Variants in RBM47 observed in about 807,000 individuals in gnomAD.
RBM47 encodes RNA-binding protein 47.
Under a neutral mutation model 47.1 loss-of-function variants are expected in RBM47, and 21 were observed. That is an observed-to-expected ratio of 0.45 (90% CI 0.32 to 0.64). The LOEUF is 0.64. RBM47 is among the 30% of genes least tolerant of loss of function. The pLI, the probability that RBM47 is intolerant of heterozygous loss-of-function variation, is 0.05. For missense variants in RBM47, 708 were observed against 870.9 expected (o/e 0.81, Z 2.35); for synonymous variants, 375 against 361.7 (o/e 1.04, Z -0.42).
At chr4:40,610,828 G>A (rs2154279286) in intron 1 of RBM47, among the ~76,000 whole-genome samples, 1 of 152,128 alleles carries the variant, frequency 6.6e-6, no homozygotes, top group African/African-American at 2.4e-5. Flanking sequence ...GATCTGAGGG[G>A]TTTATGAGGG....
chr4:40,440,170 A>T (rs1200036408), intron 3 of RBM47, among the ~76,000 whole-genome samples: 1 of 152,358 alleles, frequency 6.6e-6, no homozygotes, highest in East Asian at 1.9e-4. Flanking sequence ...TTTTTGGACT[A>T]TAAAAGTATT....
Position 40,438,847 on chromosome 4 carries a change from G to T in RBM47, c.47C>A (p.Ala16Asp). 1 of 1,558,970 alleles carries T rather than the reference G, an allele frequency of 6.4e-7. No individual in the cohort carries two copies. The highest frequency in any genetic ancestry group is 8.6e-7 in the Non-Finnish European group (1 of 1,158,196). The change falls in exon 4 of 7, where the codon GCC (alanine) becomes GAC (aspartate). Residue 16 changes from alanine (A) to aspartate (D), a missense_variant. Coordinates refer to ENST00000295971, the MANE Select transcript of RBM47 (RefSeq NM_001098634.2). ...CTCGGGCACCTTGGCGGAGGACCCG[G>T]CGGCCGAGTCACTGCTCATGGCTGC... ...STAAMSSDSAAGSSAKVPEGV... is the reference protein window; with the variant it reads ...STAAMSSDSADGSSAKVPEGV...
chr4:40,498,754 C>CATTTAT (rs1722979537), intron 2 of RBM47, among the ~76,000 whole-genome samples: 1 of 151,110 alleles, frequency 6.6e-6, no homozygotes, highest in African/African-American at 2.4e-5. Context: ...AGGTATAAGG[C>CATTTAT]ATTTATACAT....
intron 3 of RBM47, among the ~76,000 whole-genome samples, chr4:40,461,126 A>G (rs1717081123): frequency 6.6e-6 from 1 of 152,224 alleles, no homozygotes; most frequent in Non-Finnish European, 1.5e-5. Context: ...AGTATTTAAA[A>G]TGAAAAATTC....
At position 40,628,242 on chromosome 4, in the gene RBM47, CTCCTT is replaced by C. The variant is rs1229287234; in HGVS notation, c.-240+1149_-240+1153del. On this transcript the variant is annotated intron_variant, in intron 1 of 6. Transcript: ENST00000295971. The surrounding 1 kb of genome is among the most constrained non-coding windows in gnomAD (Gnocchi z 4.0). Reference sequence around the variant, plus strand: ...AAAATATTAAAAACCAAACCATCTCCTCCTTTCTTTTTTTCCTTCTGTTTTCCTTT... The same window carrying C: ...AAAATATTAAAAACCAAACCATCTCCTCTTTTTTTCCTTCTGTTTTCCTTT... 1.3e-5 allele frequency among the ~76,000 whole-genome samples: 2 copies of C among 152,164 alleles called. No individual in the cohort carries two copies. Among genetic ancestry groups the C allele is most frequent in the African/African-American group, 4.8e-5 (2 of 41,438 alleles).
At chr4:40,521,288 C>T (rs1295744673) in intron 2 of RBM47, among the ~76,000 whole-genome samples, 2 of 152,180 alleles carry the variant, frequency 1.3e-5, no homozygotes, top group African/African-American at 4.8e-5. Flanking sequence ...GAAACCTCCA[C>T]TTCCTGGGTT....
At chr4:40,518,364 T>A (rs1439758199) in intron 2 of RBM47, among the ~76,000 whole-genome samples, 3 of 151,678 alleles carry the variant, frequency 2.0e-5, no homozygotes, top group Non-Finnish European at 2.9e-5. Flanking sequence ...TTTTTAGAGA[T>A]GGGGTTTCAC....
intron 1 of RBM47, among the ~76,000 whole-genome samples, chr4:40,617,746 T>C (rs1736884028): frequency 6.6e-6 from 1 of 151,460 alleles, no homozygotes; most frequent in Admixed American, 6.6e-5. Context: ...ATTTGAGTTA[T>C]AAGTTTGATG....
intron 1 of RBM47, among the ~76,000 whole-genome samples, chr4:40,587,717 C>T (rs893252696): frequency 6.6e-6 from 1 of 152,188 alleles, no homozygotes; most frequent in African/African-American, 2.4e-5. Context: ...GGCGTCATAA[C>T]ACCCCTCAAA....
In RBM47 at chr4:40,486,069, C is replaced by CAAAAAAAA. The variant is rs201408070; in HGVS notation, c.-154-19378_-154-19371dup. Among the ~76,000 whole-genome samples the CAAAAAAAA allele has an allele frequency of 2.2e-3, 138 of 62,796 alleles. 4 individuals are homozygous for CAAAAAAAA. Among genetic ancestry groups the CAAAAAAAA allele is most frequent in the African/African-American group, 4.5e-3 (91 of 20,178 alleles). The allele number at this position is 62,796 out of a possible 152,430, so 41.2% of individuals were successfully genotyped here. Reference sequence around the variant, plus strand: ...TGGACAACAGAGCAAAACCCTGTTTCAAAAAAAAAAAAAAAAAAAAAAAAA... The same window carrying CAAAAAAAA: ...TGGACAACAGAGCAAAACCCTGTTTCAAAAAAAAAAAAAAAAAAAAAAAAAAAAAAAAA... On this transcript the variant is annotated intron_variant, in intron 2 of 6. Coordinates refer to ENST00000295971, the MANE Select transcript of RBM47 (RefSeq NM_001098634.2).
intron 2 of RBM47, chr4:40,475,721 G>C (rs1394583358): frequency 6.6e-6 from 1 of 152,156 alleles, no homozygotes; most frequent in Admixed American, 6.5e-5. Flanking sequence ...GGTGCGACAG[G>C]CTAACTGTAA....
At chr4:40,535,654 G>A (rs772821884) in intron 2 of RBM47, among the ~76,000 whole-genome samples, 12 of 151,558 alleles carry the variant, frequency 7.9e-5, no homozygotes, top group Non-Finnish European at 1.5e-4. Flanking sequence ...TCCACCTCCC[G>A]GGGCAAGCGA....
chr4:40,556,650 G>T (rs1211752321), intron 1 of RBM47, among the ~76,000 whole-genome samples: 1 of 152,158 alleles, frequency 6.6e-6, no homozygotes, highest in Non-Finnish European at 1.5e-5. Context: ...AGCACTTTGG[G>T]AGACTGAGGC....
rs77519436 is a variant in RBM47, at chr4:40,584,225, A to G, written c.-239-39719T>C. Among the ~76,000 whole-genome samples the G allele has an allele frequency of 0.018, 2,723 of 152,160 alleles. 151 individuals carry two copies. In the East Asian group the frequency reaches 0.19, roughly 11 times the overall value. ...GCAGTTCTCCTGCTCCGGCCTCCCA[A>G]TGTGCTAGGATTACCAGTATGAGCC... On this transcript the variant is annotated intron_variant, in intron 1 of 6. Coordinates refer to ENST00000295971, the MANE Select transcript of RBM47 (RefSeq NM_001098634.2).
At chr4:40,624,860 CTTTTTTTT>C (rs1172791380) in intron 1 of RBM47, among the ~76,000 whole-genome samples, 1 of 119,610 alleles carries the variant, frequency 8.4e-6, no homozygotes, top group East Asian at 2.5e-4. Flanking sequence ...TTTTCTTTTT[CTTTTTTTT>C]TTTTTTTTTT....
At chr4:40,445,702 T>A (rs903606907) in intron 3 of RBM47, among the ~76,000 whole-genome samples, 2 of 152,220 alleles carry the variant, frequency 1.3e-5, no homozygotes, top group African/African-American at 4.8e-5. Context: ...ATTGTTAACA[T>A]TCGTTTCTGA....
chr4:40,435,118 T>C (rs1476387436), intron 5 of RBM47, among the ~76,000 whole-genome samples: 2 of 152,146 alleles, frequency 1.3e-5, no homozygotes, highest in Non-Finnish European at 2.9e-5. Context: ...ATAAACAGGT[T>C]TGTAGGGCCT....
At chr4:40,604,698 G>A (rs932037713) in intron 1 of RBM47, among the ~76,000 whole-genome samples, 1 of 151,522 alleles carries the variant, frequency 6.6e-6, no homozygotes, top group Middle Eastern at 3.2e-3. Flanking sequence ...CACATTTCAC[G>A]ATTGCCACAT....
At chr4:40,619,354 A>G (rs1166105390) in intron 1 of RBM47, among the ~76,000 whole-genome samples, 1 of 151,832 alleles carries the variant, frequency 6.6e-6, no homozygotes, top group African/African-American at 2.4e-5. Flanking sequence ...CTTGAGCCCA[A>G]GACTTTAAGA....
Sources: gnomAD v4.1 joint callset for allele counts (sites outside exome capture counted in the v4.1 genomes callset) on GRCh38, gnomAD v4.1.1 for gene constraint, Gnocchi (gnomAD v3.1) non-coding constraint, MANE v1.5 for transcripts, NCBI Gene and HGNC (gene_info 2026-07-23, HGNC 2026-07-21) for gene names.